LMNTD1: variants seen among roughly 807,000 people sequenced by gnomAD.
LMNTD1 encodes lamin tail domain-containing protein 1.
A neutral mutation model predicts 50.9 loss-of-function variants in LMNTD1; 35 were observed. The ratio of observed to expected loss-of-function variants is 0.69; its 90% CI spans 0.53 to 0.91. The LOEUF (loss-of-function observed/expected upper bound fraction) is 0.91. Among genes scored for constraint, LMNTD1 ranks in the 40% least tolerant of loss-of-function variants. The pLI is 0.00. For missense variants in LMNTD1, 470 were observed against 475.5 expected (o/e 0.99, Z 0.11); for synonymous variants, 153 against 161.9 (o/e 0.94, Z 0.42).
At chr12:25,621,965 T>C (rs1032997018) in intron 1 of LMNTD1, among the ~76,000 whole-genome samples, 1 of 152,216 alleles carries the variant, frequency 6.6e-6, no homozygotes, top group Non-Finnish European at 1.5e-5. Flanking sequence ...TCAAAGTTAC[T>C]GTAGTATTCT....
At chr12:25,488,341 C>A in intron 9 of LMNTD1, among the ~76,000 whole-genome samples, 1 of 109,832 alleles carries the variant, frequency 9.1e-6, no homozygotes, top group African/African-American at 3.4e-5. Context: ...TCTTTTTATT[C>A]TTTTTTCTCT....
Position 25,519,914 on chromosome 12 carries a change from T to A in LMNTD1, c.960A>T (p.Gln320His). The A allele has an allele frequency of 6.2e-7, 1 of 1,612,788 alleles. No homozygotes were observed. Among genetic ancestry groups the A allele is most frequent in the South Asian group, 1.1e-5 (1 of 91,020 alleles). The change falls in exon 7 of 10, where the codon CAA becomes CAT. Residue 320 changes from glutamine to histidine, a missense_variant. Gln to His is a conservative substitution (Grantham distance 24, BLOSUM62 0). Coordinates refer to ENST00000458174, the MANE Select transcript of LMNTD1 (RefSeq NM_001145728.2). ...TATITKEKQD[Q>H]PKKDISNYQV... ...GATAATTTGAGATATCTTTCTTAGGTTGATCTTGTTTTTCTTTAGTTATTG... is the reference window on the plus strand; with the variant it reads ...GATAATTTGAGATATCTTTCTTAGGATGATCTTGTTTTTCTTTAGTTATTG...
At chr12:25,631,182 C>T (rs1481862925) in intron 1 of LMNTD1, among the ~76,000 whole-genome samples, 1 of 151,950 alleles carries the variant, frequency 6.6e-6, no homozygotes, top group Non-Finnish European at 1.5e-5. Context: ...CCTAGCCCCA[C>T]CCCTACCTGA....
At chr12:25,480,100 C>G (rs555654642) in intron 9 of LMNTD1, among the ~76,000 whole-genome samples, 1 of 152,200 alleles carries the variant, frequency 6.6e-6, no homozygotes, top group Non-Finnish European at 1.5e-5. Flanking sequence ...GCTGAGGTCA[C>G]CCAATGGTGA....
chr12:25,575,705 ATACTT>A, intron 1 of LMNTD1, among the ~76,000 whole-genome samples: 1 of 151,188 alleles, frequency 6.6e-6, no homozygotes, highest in Non-Finnish European at 1.5e-5. Flanking sequence ...TTTTATAATT[ATACTT>A]TAAGTTCTAG....
At chr12:25,600,058 C>A (rs1945927105) in intron 1 of LMNTD1, among the ~76,000 whole-genome samples, 1 of 151,986 alleles carries the variant, frequency 6.6e-6, no homozygotes. Context: ...TACTACAGAG[C>A]TATAGTAACC....
intron 6 of LMNTD1, among the ~76,000 whole-genome samples, chr12:25,520,325 A>T (rs1257709154): frequency 6.6e-6 from 1 of 151,946 alleles, no homozygotes; most frequent in East Asian, 1.9e-4. Context: ...CTAGATCCCT[A>T]GACTTCATCC....
chr12:25,644,811 G>A (rs1947031403), intron 1 of LMNTD1, among the ~76,000 whole-genome samples: 2 of 152,168 alleles, frequency 1.3e-5, no homozygotes, highest in African/African-American at 2.4e-5. Flanking sequence ...CCTCTGATAG[G>A]AGCAGACACA....
intron 9 of LMNTD1, among the ~76,000 whole-genome samples, chr12:25,495,506 C>T (rs1001754894): frequency 6.6e-6 from 1 of 152,024 alleles, no homozygotes; most frequent in African/African-American, 2.4e-5. Flanking sequence ...TTGCAGAGGG[C>T]GATGATGAAG....
chr12:25,530,958 G>A (rs992792816), intron 4 of LMNTD1, among the ~76,000 whole-genome samples: 4 of 152,132 alleles, frequency 2.6e-5, no homozygotes, highest in African/African-American at 4.8e-5. Flanking sequence ...GAGCTGCAGC[G>A]GGAGGGAAGT....
At chr12:25,601,594 C>T (rs1945976746) in intron 1 of LMNTD1, among the ~76,000 whole-genome samples, 1 of 151,714 alleles carries the variant, frequency 6.6e-6, no homozygotes, top group Non-Finnish European at 1.5e-5. Flanking sequence ...ATGTACCTAC[C>T]TACTATGTAC....
intron 9 of LMNTD1, among the ~76,000 whole-genome samples, chr12:25,484,523 C>CT (rs1294280793): frequency 4.0e-5 from 6 of 151,898 alleles, no homozygotes; most frequent in African/African-American, 1.5e-4. Context: ...TTTTATTATA[C>CT]TTTAAGTTTT....
intron 1 of LMNTD1, among the ~76,000 whole-genome samples, chr12:25,574,110 T>G (rs1196762372): frequency 6.6e-6 from 1 of 152,176 alleles, no homozygotes; most frequent in African/African-American, 2.4e-5. Flanking sequence ...GTTCTTCTCC[T>G]CATATCACTT....
chr12:25,481,865 T>TCACACACACACACA (rs138084240), intron 9 of LMNTD1, among the ~76,000 whole-genome samples: 12 of 132,610 alleles, frequency 9.0e-5, no homozygotes, highest in South Asian at 2.6e-4. Context: ...TATTGCCTCT[T>TCACACACACACACA]CACACACACA....
At chr12:25,544,333 C>A (rs1237792015) in intron 4 of LMNTD1, among the ~76,000 whole-genome samples, 1 of 145,522 alleles carries the variant, frequency 6.9e-6, no homozygotes, top group South Asian at 2.3e-4. Flanking sequence ...TTCTTTGTCT[C>A]TTTTTATAGT....
chr12:25,511,399 A>G (rs1006125755), intron 8 of LMNTD1, among the ~76,000 whole-genome samples: 1 of 152,152 alleles, frequency 6.6e-6, no homozygotes, highest in African/African-American at 2.4e-5. Context: ...ATTCACTTAT[A>G]TAAGGAAAAT....
At chr12:25,481,355 GTC>G (rs1040117290) in intron 9 of LMNTD1, among the ~76,000 whole-genome samples, 2 of 151,904 alleles carry the variant, frequency 1.3e-5, no homozygotes, top group African/African-American at 2.4e-5. Context: ...AGATAATTTT[GTC>G]TGTTTCTTGC....
At chr12:25,563,873 A>C (rs1944442502) in intron 1 of LMNTD1, among the ~76,000 whole-genome samples, 1 of 152,132 alleles carries the variant, frequency 6.6e-6, no homozygotes, top group Admixed American at 6.5e-5. Flanking sequence ...CCTCGCTGCC[A>C]CCTTGCAGTT....
At chr12:25,566,641 T>C (rs779965582) in intron 1 of LMNTD1, among the ~76,000 whole-genome samples, 121 of 152,318 alleles carry the variant, frequency 7.9e-4, no homozygotes, top group Non-Finnish European at 1.4e-3. Flanking sequence ...CGAACACCAG[T>C]GTAAAAACAC....
Sources: allele counts gnomAD v4.1 joint callset (sites outside exome capture counted in the v4.1 genomes callset), GRCh38; gene constraint gnomAD v4.1.1; transcripts MANE v1.5; gene names NCBI Gene and HGNC (gene_info 2026-07-23, HGNC 2026-07-21).